Variants in DMD observed in about 807,000 individuals in gnomAD.
The protein encoded by DMD is mutant dystrophin.
DMD carries 63 observed loss-of-function variants against 330.1 expected under a neutral mutation model. The ratio of observed to expected loss-of-function variants is 0.19; its 90% CI spans 0.16 to 0.24. The LOEUF (loss-of-function observed/expected upper bound fraction) is 0.24, where lower values mean the gene tolerates loss of function less well. Among genes scored for constraint, DMD ranks in the 10% least tolerant of loss-of-function variants. The pLI is 1.00. For synonymous variants in DMD, 1,223 were observed against 959.8 expected, an observed-to-expected ratio of 1.27 and a Z score of -5.07; for missense variants, 3,344 against 2,684.1, an observed-to-expected ratio of 1.25 and a Z score of -5.43.
chrX:33,267,991 C>CA (rs1308014835), intron 1 of DMD, among the ~76,000 whole-genome samples: 3 of 97,822 alleles, frequency 3.1e-5, no homozygotes, highest in Non-Finnish European at 5.9e-5. Flanking sequence ...TTGGCATTGG[C>CA]AATTTTTTTT....
intron 47 of DMD, among the ~76,000 whole-genome samples, chrX:31,895,609 CTT>C (rs948134456): frequency 2.7e-5 from 3 of 111,562 alleles, no homozygotes; most frequent in Non-Finnish European, 5.7e-5. Flanking sequence ...GGGATAAACA[CTT>C]TTGAAAAGAG....
intron 1 of DMD, among the ~76,000 whole-genome samples, chrX:33,239,947 T>G (rs1468471217): frequency 1.8e-5 from 2 of 111,346 alleles, no homozygotes; most frequent in Non-Finnish European, 3.8e-5. Flanking sequence ...CTGTATAAAA[T>G]TACCTCAAAG....
At chrX:33,080,315 C>T (rs912032959) in intron 1 of DMD, among the ~76,000 whole-genome samples, 5 of 111,162 alleles carry the variant, frequency 4.5e-5, no homozygotes, top group African/African-American at 1.6e-4. Context: ...CTGTATAAAC[C>T]CTTTTCACTT....
chrX:31,654,706 G>A (rs2080672415), intron 54 of DMD, among the ~76,000 whole-genome samples: 1 of 111,195 alleles, frequency 9.0e-6, no homozygotes, highest in African/African-American at 3.3e-5. Context: ...GGAGCTAAAT[G>A]ATGAGAACAC....
intron 9 of DMD, among the ~76,000 whole-genome samples, chrX:32,689,452 G>A (rs750875262): frequency 4.5e-5 from 5 of 111,119 alleles, no homozygotes; most frequent in Non-Finnish European, 9.5e-5. Context: ...AGCAAAAGAC[G>A]AGGTGACTTC....
At chrX:32,666,614 T>C (rs141402254) in intron 9 of DMD, among the ~76,000 whole-genome samples, 1,132 of 110,380 alleles carry the variant, frequency 0.01, 14 homozygotes, top group African/African-American at 0.036. Context: ...TTGATGGGAA[T>C]GGTCAGGAGT....
intron 44 of DMD, 63 bp downstream of exon 44, chrX:32,216,853 A>G: frequency 9.7e-7 from 1 of 1,036,033 alleles, no homozygotes; most frequent in Non-Finnish European, 1.3e-6. Context: ...ATCTTTAAGA[A>G]GTTAAAGAGT....
intron 44 of DMD, among the ~76,000 whole-genome samples, chrX:32,094,671 G>T (rs1302209730): frequency 1.8e-5 from 2 of 111,691 alleles, no homozygotes. Context: ...CAGATGTGCA[G>T]GAAAGAACCA....
intron 7 of DMD, among the ~76,000 whole-genome samples, chrX:32,716,208 T>C (rs768345430): frequency 5.4e-5 from 6 of 111,314 alleles, no homozygotes; most frequent in Non-Finnish European, 1.1e-4. Flanking sequence ...TGCCCAAATC[T>C]CATGTTGAGT....
chrX:32,138,590 T>A (rs779745183), intron 44 of DMD, among the ~76,000 whole-genome samples: 165 of 112,202 alleles, frequency 1.5e-3, no homozygotes, highest in African/African-American at 5.0e-3. Flanking sequence ...TTTCTATCAT[T>A]TGTCTCATCA....
At chrX:32,426,857 C>A (rs1330498965) in intron 29 of DMD, among the ~76,000 whole-genome samples, 1 of 111,490 alleles carries the variant, frequency 9.0e-6, no homozygotes, top group Non-Finnish European at 1.9e-5. Flanking sequence ...AATGCAGGAA[C>A]AGACAACTAA....
rs751562186 is a variant in DMD, at chrX:31,867,624, T to C, written c.7098+7564A>G. Among the ~76,000 whole-genome samples, 7 of 111,663 alleles carry C rather than the reference T, an allele frequency of 6.3e-5. No individual in the cohort carries two copies. In the South Asian group the frequency reaches 2.6e-3, roughly 41 times the overall value. On this transcript the variant is annotated intron_variant, in intron 48 of 78. Transcript: ENST00000357033. ...AAAATAACTAGGTTCATTTGGTATG[T>C]TGAGTTGCATAAAAAGCTTTGACAA...
rs888901970 is a variant in DMD, at chrX:32,583,950, T to C, written c.1603-10104A>G. Among the ~76,000 whole-genome samples the C allele has an allele frequency of 1.4e-3, 153 of 111,533 alleles. 9 individuals carry two copies. The highest frequency in any genetic ancestry group is 3.4e-4 in the Non-Finnish European group (18 of 53,066). ...AGTACACTAAACATAACAGAAAATA[T>C]TGAAGTGAACTATGTTAAATTTAAA... On this transcript the variant is annotated intron_variant, in intron 13 of 78. Coordinates refer to ENST00000357033, the MANE Select transcript of DMD (RefSeq NM_004006.3).
At chrX:31,569,638 A>ACACG (rs1569551981) in intron 55 of DMD, among the ~76,000 whole-genome samples, 65 of 98,321 alleles carry the variant, frequency 6.6e-4, no homozygotes, top group East Asian at 2.2e-3. Context: ...ATACGTATAT[A>ACACG]TATGTATATA....
intron 44 of DMD, among the ~76,000 whole-genome samples, chrX:32,138,987 T>A (rs372216987): frequency 3.6e-4 from 40 of 112,403 alleles, no homozygotes; most frequent in African/African-American, 1.3e-3. Context: ...TGGACGGAAC[T>A]TTTTTTGGAA....
At chrX:31,951,143 G>GTATACA (rs2095164797) in intron 45 of DMD, among the ~76,000 whole-genome samples, 1 of 74,338 alleles carries the variant, frequency 1.3e-5, no homozygotes, top group African/African-American at 6.2e-5. Context: ...ATATATATGT[G>GTATACA]TATATATATA....
chrX:32,319,781 C>T (rs998037519), intron 41 of DMD, among the ~76,000 whole-genome samples: 4 of 110,719 alleles, frequency 3.6e-5, no homozygotes, highest in Non-Finnish European at 7.6e-5. Context: ...ATTTTAGCTT[C>T]TTCATGGGTA....
intron 45 of DMD, among the ~76,000 whole-genome samples, chrX:31,958,745 CCAT>C (rs764253019): frequency 8.9e-6 from 1 of 112,093 alleles, no homozygotes; most frequent in East Asian, 2.8e-4. Context: ...GAGATTGCCA[CCAT>C]CTCTACATTG....
At chrX:32,935,859 CT>C (rs770802722) in intron 2 of DMD, among the ~76,000 whole-genome samples, 3 of 111,365 alleles carry the variant, frequency 2.7e-5, no homozygotes, top group Non-Finnish European at 5.6e-5. Context: ...CCTCACCTTC[CT>C]TTTTCATCCT....
Sources: allele counts gnomAD v4.1 joint callset (sites outside exome capture counted in the v4.1 genomes callset), GRCh38; gene constraint gnomAD v4.1.1; transcripts MANE v1.5; gene names NCBI Gene and HGNC (gene_info 2026-07-23, HGNC 2026-07-21).